STK11: variants seen among roughly 807,000 people sequenced by gnomAD.
STK11 encodes serine/threonine-protein kinase STK11.
STK11 carries 8 observed loss-of-function variants against 47.3 expected under a neutral mutation model. That is an observed-to-expected ratio of 0.17 (90% CI 0.10 to 0.31). The LOEUF (loss-of-function observed/expected upper bound fraction) is 0.31. Ranked by LOEUF, STK11 falls within the 10% of genes least tolerant of loss-of-function variation. The pLI, the probability that STK11 is intolerant of heterozygous loss-of-function variation, is 1.00. For synonymous variants in STK11, 330 were observed against 255.8 expected, an observed-to-expected ratio of 1.29 and a Z score of -2.77; for missense variants, 475 against 605.0, an observed-to-expected ratio of 0.79 and a Z score of 2.25.
chr19:1,222,030 G>A (rs2145429002), intron 7 of STK11, 24 bp downstream of exon 7: 1 of 1,559,386 alleles, frequency 6.4e-7, no homozygotes, highest in Non-Finnish European at 8.7e-7. Context: ...GGGGGCAGTG[G>A]GGCCGAGGCT....
intron 1 of STK11, among the ~76,000 whole-genome samples, chr19:1,218,080 G>T (rs1568702765): frequency 6.6e-6 from 1 of 152,062 alleles, no homozygotes; most frequent in Admixed American, 6.6e-5. Context: ...GGAGGCAGAG[G>T]TTGCAGTGAG....
At position 1,227,717 on chromosome 19, in the gene STK11, C is replaced by T. The variant is rs1217986061; in HGVS notation, c.*141C>T. On this transcript the variant is annotated 3_prime_UTR_variant, in exon 10 of 10. Coordinates refer to ENST00000326873, the MANE Select transcript of STK11 (RefSeq NM_000455.5). ...CGACCACGCCCCAGGACCTCCGGAG[C>T]GCCCTGCAGGGCCGGGCAGGGGGAC... 1.9e-6 allele frequency: 2 copies of T among 1,070,866 alleles called. No individual in the cohort carries two copies. The highest frequency in any genetic ancestry group is 4.8e-5 in the East Asian group (1 of 20,834). The allele number at this position is 1,070,866 out of a possible 1,614,324, so 66.3% of individuals were successfully genotyped here.
intron 9 of STK11, chr19:1,227,028 C>G: frequency 4.0e-6 from 1 of 248,530 alleles, no homozygotes; most frequent in Middle Eastern, 1.3e-3. Flanking sequence ...AGCCCAGAGG[C>G]TTTTGAGCAC....
chr19:1,222,839 C>T (rs953270875), intron 7 of STK11, 146 bp from the exon 8 acceptor site: 5 of 906,414 alleles, frequency 5.5e-6, no homozygotes, highest in Admixed American at 2.9e-5. Context: ...CATGGCTGAG[C>T]TTCTGTGGTC....
chr19:1,221,614 C>A, intron 6 of STK11: 1 of 590,600 alleles, frequency 1.7e-6, no homozygotes, highest in South Asian at 2.2e-5. Flanking sequence ...GGCTCCCTGG[C>A]TTGCAGGGTC....
At chr19:1,226,389 C>T (rs1192578794) in intron 8 of STK11, 65 bp from the exon 9 acceptor site, 2 of 1,569,546 alleles carry the variant, frequency 1.3e-6, no homozygotes, top group African/African-American at 2.7e-5. Context: ...TGGGGGCCAG[C>T]CAGGTCCCTG....
intron 8 of STK11, chr19:1,225,992 T>C (rs1273928596): frequency 9.9e-7 from 1 of 1,007,010 alleles, no homozygotes; most frequent in Non-Finnish European, 1.2e-6. Context: ...CGTGGTTCTG[T>C]GCTGGCATTT....
chr19:1,217,374 A>C (rs2080751344), intron 1 of STK11, among the ~76,000 whole-genome samples: 1 of 151,924 alleles, frequency 6.6e-6, no homozygotes, highest in Non-Finnish European at 1.5e-5. Context: ...TAATTTTTGT[A>C]TTTTTAGTAG....
intron 1 of STK11, among the ~76,000 whole-genome samples, chr19:1,213,427 A>ACTCCCCATTCC (rs2080725231): frequency 6.6e-6 from 1 of 151,296 alleles, no homozygotes; most frequent in South Asian, 2.1e-4. Flanking sequence ...GTCAGCCATC[A>ACTCCCCATTCC]CTCCCCATTC....
At position 1,228,123 on chromosome 19, in the gene STK11, C is replaced by T; in HGVS notation, c.*547C>T. ...TGTGGCTGTGAGGGGTGTTTGGGAG[C>T]TGCTGGGTGGCAGGGGGGCTGTGGG... On this transcript the variant is annotated 3_prime_UTR_variant, in exon 10 of 10. Transcript: ENST00000326873. 1 of 1,064,040 alleles carries T rather than the reference C, an allele frequency of 9.4e-7. No individual in the cohort carries two copies. Among genetic ancestry groups the T allele is most frequent in the Non-Finnish European group, 1.1e-6 (1 of 878,510 alleles). 65.9% of individuals were successfully genotyped at this position (1,064,040 alleles called of 1,614,324 possible).
rs576945285 is a variant in STK11 at position 1,223,734 on chromosome 19, C to T, written c.1108+562C>T. On this transcript the variant is annotated intron_variant, in intron 8 of 9. Transcript: ENST00000326873. ...TCAGGAGAGGAAGCCTCTCGGCCGG[C>T]GCCGCAGTAGTGCCTGAGGAGGAGC... 1.7e-5 allele frequency: 18 copies of T among 1,041,026 alleles called. No individual in the cohort carries two copies. In the South Asian group the frequency reaches 4.1e-4, roughly 24 times the overall value. 64.5% of individuals were successfully genotyped at this position (1,041,026 alleles called of 1,614,324 possible).
chr19:1,227,510 G>C, intron 9 of STK11, 83 bp from the exon 10 acceptor site: 4 of 1,059,582 alleles, frequency 3.8e-6, no homozygotes, highest in Non-Finnish European at 4.6e-6. Flanking sequence ...CTGTACCTCA[G>C]CTTCTCCATC....
intron 1 of STK11, among the ~76,000 whole-genome samples, chr19:1,215,203 A>G (rs1018666029): frequency 6.6e-6 from 1 of 152,042 alleles, no homozygotes; most frequent in African/African-American, 2.4e-5. Flanking sequence ...CGTCCCCCTC[A>G]ATGCCCTGGG....
At chr19:1,219,770 C>T (rs987619130) in intron 3 of STK11, among the ~76,000 whole-genome samples, 2 of 152,190 alleles carry the variant, frequency 1.3e-5, no homozygotes, top group Non-Finnish European at 2.9e-5. Context: ...TGGTCTCAAA[C>T]TCCTGACCTC....
At position 1,206,596 on chromosome 19, in the gene STK11, A is replaced by G; in HGVS notation, c.-318A>G. The G allele has an allele frequency of 2.2e-6, 1 of 448,864 alleles. No homozygotes were observed. 27.8% of individuals were successfully genotyped at this position (448,864 alleles called of 1,614,324 possible). A position where few individuals can be genotyped will look rare whatever the true frequency, so the allele number is the denominator to read the frequency against. On this transcript the variant is annotated 5_prime_UTR_variant, in exon 1 of 10. Coordinates refer to ENST00000326873, the MANE Select transcript of STK11 (RefSeq NM_000455.5). Reference sequence around the variant, plus strand: ...GCCTCCCCAGGGTCCCCGAGGACGAAGTTGACCCTGACCGGGCCGTCTCCC... The same window carrying G: ...GCCTCCCCAGGGTCCCCGAGGACGAGGTTGACCCTGACCGGGCCGTCTCCC...
chr19:1,225,156 G>A, intron 8 of STK11: 3 of 985,492 alleles, frequency 3.0e-6, no homozygotes, highest in Non-Finnish European at 3.6e-6. Context: ...AGTGGCGGCT[G>A]TGCCCGCTGA....
chr19:1,226,358 G>T, intron 8 of STK11, 96 bp from the exon 9 acceptor site: 1 of 1,533,656 alleles, frequency 6.5e-7, no homozygotes, highest in Non-Finnish European at 8.8e-7. Context: ...CTGGGCAGCA[G>T]CTGTAAGTGC....
At chr19:1,220,308 G>A (rs2145423832) in intron 3 of STK11, 65 bp from the exon 4 acceptor site, 2 of 1,548,100 alleles carry the variant, frequency 1.3e-6, no homozygotes, top group South Asian at 1.2e-5. Flanking sequence ...CCAGGCAGCT[G>A]CAAAGGGGAC....
Position 1,228,147 on chromosome 19 carries a change from G to C in STK11, c.*571G>C, listed in dbSNP as rs1288433811. 1 of 1,064,726 alleles carries C rather than the reference G, an allele frequency of 9.4e-7. No homozygotes were observed. Among genetic ancestry groups the C allele is most frequent in the East Asian group, 4.9e-5 (1 of 20,204 alleles). 66.0% of individuals were successfully genotyped at this position (1,064,726 alleles called of 1,614,324 possible). A position where few individuals can be genotyped will look rare whatever the true frequency, so the allele number is the denominator to read the frequency against. ...GCTGCTGGGTGGCAGGGGGGCTGTG[G>C]GGTCGGGCTCACGTCGCGGCCGCCT... On this transcript the variant is annotated 3_prime_UTR_variant, in exon 10 of 10. Transcript: ENST00000326873.
Sources: allele counts gnomAD v4.1 joint callset (sites outside exome capture counted in the v4.1 genomes callset), GRCh38; gene constraint gnomAD v4.1.1; transcripts MANE v1.5; gene names NCBI Gene and HGNC (gene_info 2026-07-23, HGNC 2026-07-21).